Variants in SYNE2 observed in about 807,000 individuals in gnomAD.
SYNE2 encodes spectrin repeat containing nuclear envelope protein 2.
In SYNE2, 431 loss-of-function variants were observed where a neutral mutation model predicts 856.3. The ratio of observed to expected loss-of-function variants is 0.50; its 90% CI spans 0.47 to 0.55. SYNE2 has a LOEUF of 0.55. Ranked by LOEUF, SYNE2 falls within the 20% of genes least tolerant of loss-of-function variation. SYNE2 has a pLI of 0.00. For synonymous variants in SYNE2, 2,923 were observed against 2,872.3 expected, an observed-to-expected ratio of 1.02 and a Z score of -0.56; for missense variants, 8,129 against 8,023.2, an observed-to-expected ratio of 1.01 and a Z score of -0.50.
chr14:64,113,476 G>A lies in SYNE2; in HGVS notation c.12745G>A (p.Glu4249Lys), dbSNP rs1357556324. The change falls in exon 66 of 116, where the codon GAG becomes AAG. Residue 4249 changes from glutamate (E) to lysine (K), a missense_variant. Around this residue, in one of 3 missense-constraint regions of SYNE2, gnomAD observed 5,410 missense variants for 5,284.8 expected, o/e 1.02. Transcript: ENST00000555002. ...CTGCAAGACCCAGGTGGCCGAGCTG[G>A]AGCTGTGGCTGCAACAAGCCAACGT... The part of the protein sequence containing the change: ...HACKTQVAEL[E>K]LWLQQANVAV... The A allele has an allele frequency of 1.2e-6, 2 of 1,614,066 alleles. No individual in the cohort carries two copies. The highest frequency in any genetic ancestry group is 1.7e-6 in the Non-Finnish European group (2 of 1,180,036).
At chr14:64,134,284 G>T in intron 78 of SYNE2, 84 bp downstream of exon 78, 1 of 1,433,710 alleles carries the variant, frequency 7.0e-7, no homozygotes, top group Non-Finnish European at 9.8e-7. Flanking sequence ...GGCTTGATTT[G>T]GAAGGTTTGA....
At position 64,071,223 on chromosome 14, in the gene SYNE2, G is replaced by A. The variant is rs369162619; in HGVS notation, c.10697+313G>A. On this transcript the variant is annotated intron_variant, in intron 52 of 115. Transcript: ENST00000555002. ...ATTATAGGAAATTCAGGCCGAGCGCGGTGGCTCACTCCTGTAATCCCAGCA... is the reference window on the plus strand; with the variant it reads ...ATTATAGGAAATTCAGGCCGAGCGCAGTGGCTCACTCCTGTAATCCCAGCA... 1.2e-4 allele frequency among the ~76,000 whole-genome samples: 18 copies of A among 152,160 alleles called. No homozygotes were observed. In the South Asian group the frequency reaches 2.7e-3, roughly 23 times the overall value.
At chr14:63,992,242 G>GA (rs34907122) in intron 21 of SYNE2, among the ~76,000 whole-genome samples, 42,994 of 147,616 alleles carry the variant, frequency 0.29, 6,306 homozygotes, top group Middle Eastern at 0.35. Flanking sequence ...AAAAGAGAAG[G>GA]AAAAAAAAAA....
intron 43 of SYNE2, among the ~76,000 whole-genome samples, chr14:64,028,104 C>T (rs1390530117): frequency 6.6e-6 from 1 of 151,602 alleles, no homozygotes; most frequent in East Asian, 1.9e-4. Context: ...GGGGTTTTGC[C>T]ATGTTGCCCA....
chr14:63,954,733 A>T lies in SYNE2; in HGVS notation c.605A>T (p.Asn202Ile). 1 of 1,614,032 alleles carries T rather than the reference A, an allele frequency of 6.2e-7. No individual in the cohort carries two copies. ...QEQCATYESV[N>I]VTDFKSSWRN... ...TTTTATGATAGCTATGAGTCTGTCAATGTGACCGATTTTAAGTCAAGTTGG... is the reference window on the plus strand; with the variant it reads ...TTTTATGATAGCTATGAGTCTGTCATTGTGACCGATTTTAAGTCAAGTTGG... Residue 202 changes from asparagine to isoleucine, a missense_variant, in exon 8 of 116, where the codon AAT (asparagine) becomes ATT (isoleucine). Coordinates refer to ENST00000555002, the MANE Select transcript of SYNE2 (RefSeq NM_182914.3).
chr14:64,220,313 A>G, intron 110 of SYNE2, 124 bp from the exon 111 acceptor site: 1 of 1,073,686 alleles, frequency 9.3e-7, no homozygotes, highest in Admixed American at 2.0e-5. Flanking sequence ...AGGCGAGGTC[A>G]CTCTCATTTC....
intron 1 of SYNE2, among the ~76,000 whole-genome samples, chr14:63,883,622 C>T (rs2140731386): frequency 6.6e-6 from 1 of 152,318 alleles, no homozygotes; most frequent in Admixed American, 6.5e-5. Context: ...TCCCAAAGTG[C>T]TGAGATTACA....
intron 1 of SYNE2, among the ~76,000 whole-genome samples, chr14:63,781,668 C>CTATA (rs35409066): frequency 0.29 from 43,056 of 149,446 alleles, 7,439 homozygotes; most frequent in Non-Finnish European, 0.37. Context: ...TTCTCTCTCT[C>CTATA]TATATATATA....
chr14:64,058,725 CCCT>C (rs1195490731), intron 49 of SYNE2, among the ~76,000 whole-genome samples: 1 of 152,178 alleles, frequency 6.6e-6, no homozygotes, highest in African/African-American at 2.4e-5. Context: ...AAGTAATCCG[CCCT>C]CCTCTGCCAC....
At chr14:63,956,429 G>C (rs943784310) in intron 8 of SYNE2, 5 of 456,366 alleles carry the variant, frequency 1.1e-5, no homozygotes, top group Non-Finnish European at 2.2e-5. Context: ...TTCACAACCA[G>C]CTTACAAAAA....
At chr14:63,974,720 G>A (rs187396695) in intron 11 of SYNE2, among the ~76,000 whole-genome samples, 37 of 148,810 alleles carry the variant, frequency 2.5e-4, no homozygotes, top group African/African-American at 8.7e-4. Context: ...CACCATGCCA[G>A]CATACATATA....
rs7155113 is a variant in SYNE2 at position 64,007,470 on chromosome 14, T to C, written c.4577+248T>C. On this transcript the variant is annotated intron_variant, in intron 31 of 115. Transcript: ENST00000555002. Reference sequence around the variant, plus strand: ...CACAGTACAGTCCGTTTATGCTCATTACCATCCCAACTGGGGTGGTTTCCT... The same window carrying C: ...CACAGTACAGTCCGTTTATGCTCATCACCATCCCAACTGGGGTGGTTTCCT... Among the ~76,000 whole-genome samples, 5,333 of 152,270 alleles carry C rather than the reference T, an allele frequency of 0.035. 333 individuals carry two copies. Among genetic ancestry groups the C allele is most frequent in the African/African-American group, 0.12 (5,023 of 41,510 alleles).
chr14:64,172,742 A>T (rs2098416834), intron 94 of SYNE2, among the ~76,000 whole-genome samples: 1 of 152,060 alleles, frequency 6.6e-6, no homozygotes, highest in South Asian at 2.1e-4. Flanking sequence ...CAGCCTGTGT[A>T]CAACATAGTG....
intron 85 of SYNE2, among the ~76,000 whole-genome samples, chr14:64,156,460 CTT>C (rs780034696): frequency 2.8e-5 from 4 of 144,648 alleles, no homozygotes; most frequent in African/African-American, 2.5e-5. Flanking sequence ...TTTTTCTTTC[CTT>C]TTTTTTTTTT....
chr14:64,037,805 C>G (rs924564113), intron 45 of SYNE2, among the ~76,000 whole-genome samples: 2 of 145,174 alleles, frequency 1.4e-5, no homozygotes, highest in African/African-American at 5.1e-5. Flanking sequence ...CAGAGGCGCC[C>G]CTCACCTCCC....
At chr14:63,854,697 A>G (rs1037776168) in intron 1 of SYNE2, among the ~76,000 whole-genome samples, 1 of 152,256 alleles carries the variant, frequency 6.6e-6, no homozygotes, top group African/African-American at 2.4e-5. Flanking sequence ...TTGGTCAGCT[A>G]GCCTTAAAAT....
At chr14:64,140,214 A>C in intron 80 of SYNE2, 141 bp downstream of exon 80, 1 of 781,618 alleles carries the variant, frequency 1.3e-6, no homozygotes, top group Non-Finnish European at 2.2e-6. Context: ...TGTGTTCTTC[A>C]AACCTAGAAC....
intron 47 of SYNE2, among the ~76,000 whole-genome samples, chr14:64,050,637 A>T (rs1240457574): frequency 6.6e-6 from 1 of 152,146 alleles, no homozygotes; most frequent in Non-Finnish European, 1.5e-5. Context: ...GGTTCTTTTA[A>T]AATATATGCA....
In SYNE2 at chr14:64,142,065, A is replaced by G; in HGVS notation, c.15283A>G (p.Lys5095Glu). 6.2e-7 allele frequency: 1 copy of G among 1,614,156 alleles called. No individual in the cohort carries two copies. The highest frequency in any genetic ancestry group is 1.6e-4 in the Middle Eastern group (1 of 6,062). ...VHSPSSASQV[K>E]HLLQKHKEFR... ...TTCACCAAGTTCTGCATCTCAAGTT[A>G]AACATCTTCTTCAGAAGCACAAGGT... The change falls in exon 82 of 116, where the codon AAA becomes GAA. Residue 5095 changes from lysine (K) to glutamate (E), a missense_variant. By Grantham distance (56) the Lys-to-Glu change is moderately conservative. Coordinates refer to ENST00000555002, the MANE Select transcript of SYNE2 (RefSeq NM_182914.3).
Sources: gnomAD v4.1 joint callset for allele counts (sites outside exome capture counted in the v4.1 genomes callset) on GRCh38, gnomAD v4.1.1 for gene constraint, gnomAD v4.1.1 regional missense constraint, MANE v1.5 for transcripts, NCBI Gene and HGNC (gene_info 2026-07-23, HGNC 2026-07-21) for gene names.